Variants in SSBP1 observed in about 807,000 individuals in gnomAD.
The protein encoded by SSBP1 is single-stranded DNA-binding protein, mitochondrial.
Under a neutral mutation model 27.0 loss-of-function variants are expected in SSBP1, and 20 were observed. That is an observed-to-expected ratio of 0.74 (90% CI 0.52 to 1.08). The LOEUF (loss-of-function observed/expected upper bound fraction) is 1.08. Among genes scored for constraint, SSBP1 ranks in the 50% least tolerant of loss-of-function variants. The probability of loss-of-function intolerance (pLI) is 0.00; values close to 1 mark genes in which losing one functional copy is unlikely to be tolerated. For synonymous variants in SSBP1, 59 were observed against 59.3 expected, an observed-to-expected ratio of 1.00 and a Z score of 0.02; for missense variants, 137 against 182.4, an observed-to-expected ratio of 0.75 and a Z score of 1.44.
chr7:141,749,008 A>T (rs1441513217), intron 6 of SSBP1, among the ~76,000 whole-genome samples: 1 of 152,250 alleles, frequency 6.6e-6, no homozygotes, highest in Non-Finnish European at 1.5e-5. Flanking sequence ...AATCTTTTGG[A>T]ATTATAAAGG....
intron 3 of SSBP1, 33 bp from the exon 4 acceptor site, chr7:141,743,528 G>T: frequency 6.2e-7 from 1 of 1,611,706 alleles, no homozygotes; most frequent in Non-Finnish European, 8.5e-7. Context: ...TCTATAGCAG[G>T]TTGTCTCATT....
chr7:141,747,808 G>A (rs1374024433), intron 6 of SSBP1, among the ~76,000 whole-genome samples: 1 of 151,382 alleles, frequency 6.6e-6, no homozygotes, highest in East Asian at 2.0e-4. Context: ...AGACCAGCCT[G>A]GGAACATGGT....
In SSBP1 at chr7:141,741,802, G is replaced by A. The variant is rs978869649; in HGVS notation, c.25-367G>A. 2.7e-5 allele frequency: 27 copies of A among 1,013,818 alleles called. No individual in the cohort carries two copies. In the African/African-American group the frequency reaches 4.1e-4, roughly 15 times the overall value. 62.8% of individuals were successfully genotyped at this position (1,013,818 alleles called of 1,614,324 possible). Reference sequence around the variant, plus strand: ...TGGCAGCAACTCTTAGGTACAGGTTGGATTTACAAATATTATCATACTCTG... The same window carrying A: ...TGGCAGCAACTCTTAGGTACAGGTTAGATTTACAAATATTATCATACTCTG... On this transcript the variant is annotated intron_variant, in intron 2 of 6. Transcript: ENST00000265304.
chr7:141,738,535 G>T (rs1407153371), intron 1 of SSBP1, 125 bp downstream of exon 1: 1 of 152,794 alleles, frequency 6.5e-6, no homozygotes, highest in Non-Finnish European at 1.5e-5. Context: ...CAGTCGTGCG[G>T]AGGACCGCGT....
chr7:141,741,248 A>G (rs1193188730), intron 2 of SSBP1: 1 of 152,236 alleles, frequency 6.6e-6, no homozygotes, highest in African/African-American at 2.4e-5. Context: ...GATCCCTCGC[A>G]TGAGCGGTTT....
At chr7:141,740,381 T>A (rs1799481766) in intron 2 of SSBP1, 1 of 152,192 alleles carries the variant, frequency 6.6e-6, no homozygotes. Flanking sequence ...TTCAGTGATG[T>A]GTACTCCCAT....
At position 141,743,509 on chromosome 7, in the gene SSBP1, A is replaced by G. The variant is rs570031640; in HGVS notation, c.86-52A>G. 1.4e-4 allele frequency: 231 copies of G among 1,593,930 alleles called. 1 individual carries two copies. The Middle Eastern group carries it at 2.2e-3, about 15-fold the overall frequency. ...TACAAATTTTGGGGGAAGGGGCACA[A>G]CTATTCAGTCTATAGCAGGTTGTCT... On this transcript the variant is annotated intron_variant, in intron 3 of 6. Transcript: ENST00000265304.
Position 141,742,183 on chromosome 7 carries a change from T to G in SSBP1, c.39T>G (p.Phe13Leu), listed in dbSNP as rs373932559. ...TTCTTCTTTAGGTACTTCGTCAGTT[T>G]GTAAGACATGAGTCCGAAACAACTA... ...RRPVLQVLRQ[F>L]VRHESETTTS... Residue 13 changes from phenylalanine (F) to leucine (L), a missense_variant, in exon 3 of 7, where the codon TTT becomes TTG. This residue lies in a region of SSBP1 where 42 missense variants were observed against 30.4 expected (regional missense o/e 1.38). Coordinates refer to ENST00000265304, the MANE Select transcript of SSBP1 (RefSeq NM_003143.3). 3.7e-6 allele frequency: 6 copies of G among 1,601,156 alleles called. No homozygotes were observed. The highest frequency in any genetic ancestry group is 5.1e-6 in the Non-Finnish European group (6 of 1,169,598).
intron 5 of SSBP1, among the ~76,000 whole-genome samples, chr7:141,744,196 T>C (rs991284850): frequency 2.6e-5 from 4 of 152,254 alleles, no homozygotes; most frequent in Non-Finnish European, 5.9e-5. Context: ...AAACATAGTT[T>C]TAGCTTTCTA....
At position 141,750,385 on chromosome 7, in the gene SSBP1, G is replaced by C; in HGVS notation, c.*31G>C. ...ATGATTCTTCTTTGGCCATCATTTG[G>C]TACAGTCTCATTTCCAAGTCATGTA... On this transcript the variant is annotated 3_prime_UTR_variant, in exon 7 of 7. Transcript: ENST00000265304. 6.4e-7 allele frequency: 1 copy of C among 1,556,276 alleles called. No homozygotes were observed. The highest frequency in any genetic ancestry group is 1.2e-5 in the South Asian group (1 of 82,948).
At chr7:141,748,947 A>G (rs1246029423) in intron 6 of SSBP1, among the ~76,000 whole-genome samples, 2 of 152,218 alleles carry the variant, frequency 1.3e-5, no homozygotes, top group Non-Finnish European at 2.9e-5. Context: ...TTGGAAGACT[A>G]TGGTCATGAA....
chr7:141,743,500 AG>A, intron 3 of SSBP1, 60 bp from the exon 4 acceptor site: 1 of 1,568,138 alleles, frequency 6.4e-7, no homozygotes, highest in Non-Finnish European at 8.7e-7. Flanking sequence ...TTTTGGGGGA[AG>A]GGGCACAACT....
rs747962025 is a variant in SSBP1 at position 141,739,149 on chromosome 7, GA to G, written c.-14del. Reference sequence around the variant, plus strand: ...GAAAAGCCTAAAGATTAGACTGTAAGAAAAGAAAATAGAAGCCATGTTTCGA... The same window carrying G: ...GAAAAGCCTAAAGATTAGACTGTAAGAAAGAAAATAGAAGCCATGTTTCGA... On this transcript the variant is annotated 5_prime_UTR_variant, in exon 2 of 7. Transcript: ENST00000265304. 3.3e-5 allele frequency: 53 copies of G among 1,590,822 alleles called. No homozygotes were observed. Among genetic ancestry groups the G allele is most frequent in the Non-Finnish European group, 3.8e-5 (44 of 1,170,846 alleles).
chr7:141,745,983 A>G, intron 6 of SSBP1: 1 of 995,072 alleles, frequency 1.0e-6, no homozygotes, highest in Non-Finnish European at 1.2e-6. Flanking sequence ...CCTCTTTGGT[A>G]CTTAGTATGT....
rs192517454 is a variant in SSBP1 at position 141,742,181 on chromosome 7, T to C, written c.37T>C (p.Phe13Leu). ...RRPVLQVLRQ[F>L]VRHESETTTS... ...TGTTCTTCTTTAGGTACTTCGTCAG[T>C]TTGTAAGACATGAGTCCGAAACAAC... Residue 13 changes from phenylalanine to leucine, a missense_variant, in exon 3 of 7, where the codon TTT (phenylalanine) becomes CTT (leucine). Transcript: ENST00000265304. 1.6e-5 allele frequency: 26 copies of C among 1,601,358 alleles called. No individual in the cohort carries two copies. The East Asian group carries it at 5.4e-4, about 33-fold the overall frequency.
chr7:141,741,333 C>G (rs1799520585), intron 2 of SSBP1: 1 of 152,360 alleles, frequency 6.6e-6, no homozygotes, highest in Non-Finnish European at 1.5e-5. Flanking sequence ...GTCAGTAATG[C>G]TTGCTCGCTG....
Position 141,739,180 on chromosome 7 carries a change from C to G in SSBP1, c.14C>G (p.Pro5Arg), listed in dbSNP as rs1258946056. The G allele has an allele frequency of 6.2e-7, 1 of 1,601,796 alleles. No individual in the cohort carries two copies. Among genetic ancestry groups the G allele is most frequent in the Non-Finnish European group, 8.5e-7 (1 of 1,174,602 alleles). MFRR[P>R]VLQVLRQFVR... is the part of the protein sequence containing the mutation. The stretch of plus-strand genomic sequence containing the variant: ...AAAATAGAAGCCATGTTTCGAAGAC[C>G]TGTATTACAGGTAGTCACTTGTCTG... Residue 5 changes from proline to arginine, a missense_variant, in exon 2 of 7, where the codon CCT (proline) becomes CGT (arginine). This residue lies in a region of SSBP1 where 42 missense variants were observed against 30.4 expected (regional missense o/e 1.38). Coordinates refer to ENST00000265304, the MANE Select transcript of SSBP1 (RefSeq NM_003143.3).
chr7:141,739,022 A>G lies in SSBP1; in HGVS notation c.-43-102A>G, dbSNP rs529008931. On this transcript the variant is annotated intron_variant, in intron 1 of 6. Coordinates refer to ENST00000265304, the MANE Select transcript of SSBP1 (RefSeq NM_003143.3). ...TGGTACGTTGTGGTCACAAAATTGG[A>G]GTGCATAAAAATTATGAATATAGTT... The G allele has an allele frequency of 5.2e-6, 3 of 581,760 alleles. No individual in the cohort carries two copies. In the African/African-American group the frequency reaches 5.7e-5, roughly 11 times the overall value. The allele number at this position is 581,760 out of a possible 1,614,324, so 36.0% of individuals were successfully genotyped here. A position where few individuals can be genotyped will look rare whatever the true frequency, so the allele number is the denominator to read the frequency against.
At chr7:141,747,867 G>A (rs1367462388) in intron 6 of SSBP1, among the ~76,000 whole-genome samples, 2 of 150,968 alleles carry the variant, frequency 1.3e-5, no homozygotes, top group African/African-American at 4.9e-5. Flanking sequence ...GTCTAGTAAT[G>A]CGTGTCTGTA....
Sources: allele counts gnomAD v4.1 joint callset (sites outside exome capture counted in the v4.1 genomes callset), GRCh38; gene constraint gnomAD v4.1.1; regional missense constraint gnomAD v4.1.1; transcripts MANE v1.5; gene names NCBI Gene and HGNC (gene_info 2026-07-23, HGNC 2026-07-21).